Variants in CD84 observed in about 807,000 individuals in gnomAD.
CD84 encodes SLAM family member 5.
CD84 carries 22 observed loss-of-function variants against 33.8 expected under a neutral mutation model. That is an observed-to-expected ratio of 0.65 (90% CI 0.46 to 0.93). The LOEUF is 0.93. CD84 is among the 40% of genes least tolerant of loss of function. The pLI, the probability that CD84 is intolerant of heterozygous loss-of-function variation, is 0.00. For synonymous variants in CD84, 154 were observed against 145.2 expected (o/e 1.06, Z -0.44); for missense variants, 400 against 397.6 (o/e 1.01, Z -0.05).
chr1:160,553,593 G>T lies in CD84; in HGVS notation c.641-96C>A, dbSNP rs970444757. 9 of 1,445,416 alleles carry T rather than the reference G, an allele frequency of 6.2e-6. No homozygotes were observed. In the Admixed American group the frequency reaches 1.6e-4, roughly 25 times the overall value. 89.5% of individuals were successfully genotyped at this position (1,445,416 alleles called of 1,614,324 possible). A position where few individuals can be genotyped will look rare whatever the true frequency, so the allele number is the denominator to read the frequency against. ...CAGTCAGGGGCATTATGAAAATTGG[G>T]TGCCCTCCGAAGGAGTGCCAAAGCT... On this transcript the variant is annotated intron_variant, in intron 3 of 6. Transcript: ENST00000368054.
chr1:160,549,888 G>C (rs776523688), intron 6 of CD84, 29 bp downstream of exon 6: 48 of 1,554,458 alleles, frequency 3.1e-5, no homozygotes, highest in African/African-American at 4.1e-5. Flanking sequence ...AGTTAGGAAA[G>C]CAAGGATAAA....
At chr1:160,559,063 A>G (rs138596426) in intron 2 of CD84, among the ~76,000 whole-genome samples, 1 of 152,216 alleles carries the variant, frequency 6.6e-6, no homozygotes, top group Non-Finnish European at 1.5e-5. Flanking sequence ...ATACTTCAAG[A>G]TATCATCCAG....
chr1:160,578,907 G>A (rs1009289594), intron 1 of CD84, among the ~76,000 whole-genome samples: 2 of 152,124 alleles, frequency 1.3e-5, no homozygotes, highest in Non-Finnish European at 2.9e-5. Flanking sequence ...AATAAAGGGA[G>A]TTTATAGAGA....
At chr1:160,555,380 G>C (rs1473756527) in intron 2 of CD84, among the ~76,000 whole-genome samples, 2 of 152,094 alleles carry the variant, frequency 1.3e-5, no homozygotes, top group African/African-American at 4.8e-5. Flanking sequence ...ACCGCACCCA[G>C]CCAAAATAAT....
intron 1 of CD84, among the ~76,000 whole-genome samples, chr1:160,575,738 G>A (rs937832409): frequency 1.3e-5 from 2 of 152,134 alleles, no homozygotes; most frequent in Non-Finnish European, 2.9e-5. Flanking sequence ...CCTTTCCTAA[G>A]GTCCAAGACA....
chr1:160,563,046 T>C (rs1049139092), intron 2 of CD84, among the ~76,000 whole-genome samples: 11 of 152,004 alleles, frequency 7.2e-5, no homozygotes, highest in Non-Finnish European at 1.5e-4. Context: ...TGAGATACCA[T>C]CTCCTGCCCG....
chr1:160,574,924 C>CA (rs1557986647), intron 1 of CD84, among the ~76,000 whole-genome samples: 2 of 152,012 alleles, frequency 1.3e-5, no homozygotes, highest in Non-Finnish European at 2.9e-5. Flanking sequence ...AACAAATAAA[C>CA]ATCTTCAAAG....
Position 160,542,907 on chromosome 1 carries a change from T to C in CD84, c.*5349A>G, listed in dbSNP as rs902334841. On this transcript the variant is annotated 3_prime_UTR_variant, in exon 7 of 7. Transcript: ENST00000368054. Reference sequence around the variant, plus strand: ...ATGGGGGCTTATTTAAGTCTAAACATGCACAGTTGTTTTTTTTAACCACTA... The same window carrying C: ...ATGGGGGCTTATTTAAGTCTAAACACGCACAGTTGTTTTTTTTAACCACTA... 2 of 152,024 alleles carry C rather than the reference T, an allele frequency of 1.3e-5. No homozygotes were observed. The highest frequency in any genetic ancestry group is 2.9e-5 in the Non-Finnish European group (2 of 68,040). The allele number at this position is 152,024 out of a possible 1,614,324, so 9.4% of individuals were successfully genotyped here.
intron 1 of CD84, among the ~76,000 whole-genome samples, chr1:160,573,284 G>T (rs930617620): frequency 2.6e-5 from 4 of 152,246 alleles, no homozygotes; most frequent in Admixed American, 2.6e-4. Context: ...GATGTTTTGG[G>T]TGGAATCCAA....
chr1:160,578,297 T>G (rs139408216), intron 1 of CD84, among the ~76,000 whole-genome samples: 1 of 152,334 alleles, frequency 6.6e-6, no homozygotes, highest in African/African-American at 2.4e-5. Flanking sequence ...GGTCTCTCTC[T>G]GGAAGATTAG....
rs1468405056 is a variant in CD84, at chr1:160,543,331, AG to A, written c.*4924del. On this transcript the variant is annotated 3_prime_UTR_variant, in exon 7 of 7. Coordinates refer to ENST00000368054, the MANE Select transcript of CD84 (RefSeq NM_003874.4). ...GTACCAGGTAGGGAGAATCCACAGG[AG>A]GTAAAAAAGGGCCACATGGCAGAGT... 1 of 152,172 alleles carries A rather than the reference AG, an allele frequency of 6.6e-6. No individual in the cohort carries two copies. The highest frequency in any genetic ancestry group is 1.5e-5 in the Non-Finnish European group (1 of 68,032). 9.4% of individuals were successfully genotyped at this position (152,172 alleles called of 1,614,324 possible).
intron 1 of CD84, among the ~76,000 whole-genome samples, chr1:160,569,991 A>C (rs1017049458): frequency 6.6e-6 from 1 of 152,102 alleles, no homozygotes; most frequent in Non-Finnish European, 1.5e-5. Context: ...GTAATGTAGT[A>C]ATGATGTGTG....
chr1:160,578,569 C>T (rs1191049542), intron 1 of CD84, among the ~76,000 whole-genome samples: 1 of 152,090 alleles, frequency 6.6e-6, no homozygotes, highest in Non-Finnish European at 1.5e-5. Flanking sequence ...TCAGAACTGG[C>T]AAGAGATACT....
chr1:160,578,758 G>C (rs1658125299), intron 1 of CD84, among the ~76,000 whole-genome samples: 2 of 152,114 alleles, frequency 1.3e-5, no homozygotes, highest in Admixed American at 6.6e-5. Context: ...TATGCCATAA[G>C]TAAGAAAAAT....
chr1:160,578,915 A>G (rs1658132494), intron 1 of CD84, among the ~76,000 whole-genome samples: 1 of 152,200 alleles, frequency 6.6e-6, no homozygotes, highest in South Asian at 2.1e-4. Context: ...GAGTTTATAG[A>G]GATGAGGCTC....
At chr1:160,570,149 C>G (rs573800813) in intron 1 of CD84, among the ~76,000 whole-genome samples, 3 of 152,102 alleles carry the variant, frequency 2.0e-5, no homozygotes, top group Non-Finnish European at 4.4e-5. Flanking sequence ...AATAAAGAGG[C>G]ATCTGCTAGA....
chr1:160,568,714 G>A (rs1439217232), intron 1 of CD84, among the ~76,000 whole-genome samples: 4 of 151,890 alleles, frequency 2.6e-5, no homozygotes, highest in African/African-American at 9.7e-5. Context: ...TCCACCTCCC[G>A]GGTTCAGGCA....
chr1:160,541,924 T>A lies in CD84; in HGVS notation c.*6332A>T, dbSNP rs1655562179. The A allele has an allele frequency of 1.3e-5, 2 of 152,210 alleles. No homozygotes were observed. The highest frequency in any genetic ancestry group is 6.5e-5 in the Admixed American group (1 of 15,278). The allele number at this position is 152,210 out of a possible 1,614,324, so 9.4% of individuals were successfully genotyped here. A position where few individuals can be genotyped will look rare whatever the true frequency, so the allele number is the denominator to read the frequency against. On this transcript the variant is annotated 3_prime_UTR_variant, in exon 7 of 7. Transcript: ENST00000368054. The stretch of plus-strand genomic sequence containing the variant: ...TGTAGAGGGAAGGTGTATTAGAGAA[T>A]TAGGCCAATTAAGGGCACATGCCTG...
intron 1 of CD84, among the ~76,000 whole-genome samples, chr1:160,566,487 T>C (rs574779774): frequency 2.0e-5 from 3 of 152,346 alleles, no homozygotes; most frequent in African/African-American, 7.2e-5. Flanking sequence ...CATGTATTTA[T>C]TCAGGATCAG....
Sources: gnomAD v4.1 joint callset for allele counts (sites outside exome capture counted in the v4.1 genomes callset) on GRCh38, gnomAD v4.1.1 for gene constraint, MANE v1.5 for transcripts, NCBI Gene and HGNC (gene_info 2026-07-23, HGNC 2026-07-21) for gene names.